The following HSF2BP variants were observed in gnomAD, a reference collection of about 807,000 sequenced individuals.
The protein encoded by HSF2BP is heat shock transcription factor 2 binding protein.
Under a neutral mutation model 35.0 loss-of-function variants are expected in HSF2BP, and 35 were observed. The ratio of observed to expected loss-of-function variants is 1.00; its 90% CI spans 0.76 to 1.32. The LOEUF is 1.32. Among genes scored for constraint, HSF2BP ranks in the 40% most tolerant of loss-of-function variants. The pLI, the probability that HSF2BP is intolerant of heterozygous loss-of-function variation, is 0.00. For missense variants in HSF2BP, 326 were observed against 321.7 expected (o/e 1.01, Z -0.10); for synonymous variants, 114 against 117.4 (o/e 0.97, Z 0.18).
intron 7 of HSF2BP, among the ~76,000 whole-genome samples, chr21:43,595,888 C>A (rs148429944): frequency 8.9e-4 from 135 of 151,580 alleles, no homozygotes; most frequent in African/African-American, 3.1e-3. Flanking sequence ...CCACACCCAG[C>A]TAATTGTTGT....
the HSF2BP span, among the ~76,000 whole-genome samples, chr21:43,496,021 A>G: frequency 1.4e-4 from 18 of 129,232 alleles, no homozygotes; most frequent in African/African-American, 5.0e-4. Context: ...ACACGTGCAC[A>G]CACACACACA....
chr21:43,649,646 T>C (rs2082756237), intron 3 of HSF2BP, among the ~76,000 whole-genome samples: 1 of 152,222 alleles, frequency 6.6e-6, no homozygotes, highest in Non-Finnish European at 1.5e-5. Flanking sequence ...GCTGTCAACA[T>C]ACAAAAATAA....
At chr21:43,612,089 G>A (rs932587538) in intron 7 of HSF2BP, among the ~76,000 whole-genome samples, 2 of 152,088 alleles carry the variant, frequency 1.3e-5, no homozygotes, top group African/African-American at 2.4e-5. Flanking sequence ...AAAACAGGAC[G>A]ACACACTGAA....
intron 1 of HSF2BP, among the ~76,000 whole-genome samples, chr21:43,658,740 G>A (rs1018995611): frequency 5.3e-5 from 8 of 152,250 alleles, no homozygotes; most frequent in Admixed American, 2.6e-4. Context: ...GGAAGCGCGC[G>A]TGCTCGCCAG....
intron 7 of HSF2BP, among the ~76,000 whole-genome samples, chr21:43,613,196 G>A (rs1408668967): frequency 6.6e-6 from 1 of 152,214 alleles, no homozygotes; most frequent in Non-Finnish European, 1.5e-5. Context: ...GATTCAATGA[G>A]CGACTGTGGC....
rs1054538021 is a variant in HSF2BP, at chr21:43,659,166, G to A, written c.-225+220C>T. 7.2e-5 allele frequency among the ~76,000 whole-genome samples: 11 copies of A among 152,132 alleles called. No homozygotes were observed. The highest frequency in any genetic ancestry group is 3.4e-3 in the Middle Eastern group (1 of 294). On this transcript the variant is annotated intron_variant, in intron 1 of 8. Coordinates refer to ENST00000291560, the MANE Select transcript of HSF2BP (RefSeq NM_007031.2). The surrounding 1 kb of genome is among the most constrained non-coding windows in gnomAD (Gnocchi z 4.2). ...ATAACAAATAGTGGGGCGTGATGGC[G>A]CGCGCCTGTAGTCTCAGCTACTTGG...
At chr21:43,598,727 T>C (rs1423613135) in intron 7 of HSF2BP, among the ~76,000 whole-genome samples, 4 of 152,182 alleles carry the variant, frequency 2.6e-5, no homozygotes, top group African/African-American at 7.2e-5. Flanking sequence ...TAGTAACCTA[T>C]TTAATGAGGT....
intron 6 of HSF2BP, 34 bp downstream of exon 6, chr21:43,630,288 A>T: frequency 1.3e-6 from 2 of 1,578,704 alleles, no homozygotes; most frequent in Non-Finnish European, 1.7e-6. Context: ...CTGGAAGCAA[A>T]CAGGCAACAT....
chr21:43,638,177 G>A (rs2082590057), intron 4 of HSF2BP, among the ~76,000 whole-genome samples: 1 of 152,070 alleles, frequency 6.6e-6, no homozygotes, highest in African/African-American at 2.4e-5. Context: ...AAGACTACAG[G>A]GGCCGGGTGC....
At chr21:43,574,746 A>C (rs1438147279) in intron 8 of HSF2BP, among the ~76,000 whole-genome samples, 1 of 152,028 alleles carries the variant, frequency 6.6e-6, no homozygotes, top group African/African-American at 2.4e-5. Flanking sequence ...CAGGGCACAC[A>C]GGGCCGCCCT....
intron 4 of HSF2BP, 146 bp from the exon 5 acceptor site, chr21:43,633,567 G>A: frequency 2.7e-6 from 2 of 753,426 alleles, no homozygotes; most frequent in Non-Finnish European, 4.1e-6. Context: ...AGTCCTAAGA[G>A]AACCATAATC....
intron 7 of HSF2BP, among the ~76,000 whole-genome samples, chr21:43,595,017 T>C (rs1258170682): frequency 6.6e-6 from 1 of 152,094 alleles, no homozygotes; most frequent in Admixed American, 6.5e-5. Context: ...TCCCAGCACT[T>C]TGGGAGGCCA....
chr21:43,596,160 T>C (rs1292598595), intron 7 of HSF2BP, among the ~76,000 whole-genome samples: 1 of 152,124 alleles, frequency 6.6e-6, no homozygotes, highest in Non-Finnish European at 1.5e-5. Context: ...CAGTCCACAA[T>C]AATGGTAGAT....
intron 4 of HSF2BP, among the ~76,000 whole-genome samples, chr21:43,640,205 A>G (rs1330298678): frequency 2.0e-5 from 3 of 152,180 alleles, no homozygotes; most frequent in Non-Finnish European, 4.4e-5. Flanking sequence ...GGAGGCTGAC[A>G]TGGGAGGACT....
chr21:43,591,960 AC>A (rs745724772), intron 8 of HSF2BP, among the ~76,000 whole-genome samples: 7 of 152,174 alleles, frequency 4.6e-5, no homozygotes, highest in Non-Finnish European at 1.0e-4. Context: ...CTTAATAATG[AC>A]CCTAAAGCAC....
chr21:43,648,140 G>A (rs1568941544), intron 3 of HSF2BP, among the ~76,000 whole-genome samples: 1 of 152,022 alleles, frequency 6.6e-6, no homozygotes, highest in Non-Finnish European at 1.5e-5. Context: ...CTGTCCATAA[G>A]CTCCCCAAGT....
intron 7 of HSF2BP, among the ~76,000 whole-genome samples, chr21:43,599,370 T>G (rs573041764): frequency 6.6e-6 from 1 of 152,238 alleles, no homozygotes; most frequent in Non-Finnish European, 1.5e-5. Flanking sequence ...CTGTTTCTTA[T>G]GCAAATGTTT....
intron 6 of HSF2BP, among the ~76,000 whole-genome samples, chr21:43,630,025 G>C (rs1360620519): frequency 6.6e-6 from 1 of 152,202 alleles, no homozygotes; most frequent in Non-Finnish European, 1.5e-5. Context: ...ACCCTGATCA[G>C]TTAGCAGTCA....
chr21:43,633,839 C>A (rs1318970694), intron 4 of HSF2BP, among the ~76,000 whole-genome samples: 1 of 152,192 alleles, frequency 6.6e-6, no homozygotes, highest in African/African-American at 2.4e-5. Context: ...TGGCTCACTC[C>A]ATTGAAAAAA....
Sources: allele counts gnomAD v4.1 joint callset (sites outside exome capture counted in the v4.1 genomes callset), GRCh38; gene constraint gnomAD v4.1.1; non-coding constraint Gnocchi (gnomAD v3.1); transcripts MANE v1.5; gene names NCBI Gene and HGNC (gene_info 2026-07-23, HGNC 2026-07-21).